Variants in GLIS3 observed in about 807,000 individuals in gnomAD.
GLIS3 encodes the protein zinc finger protein GLIS3.
In GLIS3, 53 loss-of-function variants were observed where a neutral mutation model predicts 78.6. The observed-to-expected ratio is 0.67, with a 90% CI of 0.54 to 0.85. The LOEUF (loss-of-function observed/expected upper bound fraction) is 0.85. Among genes scored for constraint, GLIS3 ranks in the 40% least tolerant of loss-of-function variants. The pLI is 0.00. For missense variants in GLIS3, 1,703 were observed against 1,231.1 expected (o/e 1.38, Z -5.74); for synonymous variants, 684 against 509.9 (o/e 1.34, Z -4.60).
At chr9:4,435,843 G>A in the GLIS3 span, among the ~76,000 whole-genome samples, 3 of 152,176 alleles carry the variant, frequency 2.0e-5, no homozygotes, top group Non-Finnish European at 4.4e-5. Flanking sequence ...CAGCTACTTG[G>A]GAGGCTGAGG....
intron 2 of GLIS3, among the ~76,000 whole-genome samples, chr9:4,326,553 G>A (rs936486724): frequency 1.4e-5 from 2 of 142,748 alleles, no homozygotes; most frequent in South Asian, 2.3e-4. Flanking sequence ...GAGGAATGGG[G>A]GTTATTTTTT....
At chr9:4,296,627 C>T (rs1816530965) in intron 1 of GLIS3, among the ~76,000 whole-genome samples, 1 of 152,136 alleles carries the variant, frequency 6.6e-6, no homozygotes, top group Admixed American at 6.5e-5. Context: ...TGTCCCCAAA[C>T]TGGCCTAAGG....
intron 2 of GLIS3, among the ~76,000 whole-genome samples, chr9:4,159,440 C>T (rs1835300724): frequency 1.3e-5 from 2 of 152,146 alleles, no homozygotes; most frequent in Non-Finnish European, 2.9e-5. Flanking sequence ...AATCTGTGGC[C>T]AGGCGCAGTG....
intron 2 of GLIS3, among the ~76,000 whole-genome samples, chr9:4,185,844 A>C (rs373512144): frequency 6.6e-6 from 1 of 152,140 alleles, no homozygotes; most frequent in Non-Finnish European, 1.5e-5. Context: ...GCCAGACCCA[A>C]CTGGAAGCTG....
chr9:3,942,365 TGACG>T (rs1296712373), intron 4 of GLIS3, among the ~76,000 whole-genome samples: 2 of 152,194 alleles, frequency 1.3e-5, no homozygotes, highest in African/African-American at 2.4e-5. Context: ...AAGAACTGAC[TGACG>T]AAGTATATGC....
rs556149560 is a variant in GLIS3 at position 3,940,775 on chromosome 9, A to C, written c.1711-3586T>G. Among the ~76,000 whole-genome samples, 3 of 152,324 alleles carry C rather than the reference A, an allele frequency of 2.0e-5. No individual in the cohort carries two copies. The South Asian group carries it at 6.2e-4, about 32-fold the overall frequency. ...AAAAGGGGCGTGGTGTGCAATGAGC[A>C]TTTATTCCATACCAAGCTCCTTGCT... On this transcript the variant is annotated intron_variant, in intron 4 of 10. Transcript: ENST00000381971.
At chr9:4,403,427 A>T in the GLIS3 span, among the ~76,000 whole-genome samples, 1 of 152,202 alleles carries the variant, frequency 6.6e-6, no homozygotes, top group East Asian at 1.9e-4. Context: ...ATGACACTGT[A>T]ATGGTGGTGT....
chr9:3,933,503 T>G (rs979174315), intron 5 of GLIS3, among the ~76,000 whole-genome samples: 3 of 152,208 alleles, frequency 2.0e-5, no homozygotes, highest in Non-Finnish European at 2.9e-5. Context: ...ATCAAAATCT[T>G]CAGCCTATTC....
chr9:4,020,185 A>G (rs1822766368), intron 4 of GLIS3, among the ~76,000 whole-genome samples: 1 of 152,204 alleles, frequency 6.6e-6, no homozygotes, highest in South Asian at 2.1e-4. Context: ...CAGCCCATGC[A>G]AGGAAGCTAA....
rs116784787 is a variant in GLIS3 at position 4,285,088 on chromosome 9, C to T, written c.388+950G>A. Among the ~76,000 whole-genome samples, 481 of 152,250 alleles carry T rather than the reference C, an allele frequency of 3.2e-3. 3 individuals are homozygous for T. Among genetic ancestry groups the T allele is most frequent in the African/African-American group, 0.011 (459 of 41,530 alleles). On this transcript the variant is annotated intron_variant, in intron 2 of 10. Transcript: ENST00000381971. ...TCACCTTAATTAACTGAATGACTGG[C>T]TATTCTGAAGGTTGCTAGTAATTCT...
chr9:4,025,464 C>A (rs765464879), intron 4 of GLIS3, among the ~76,000 whole-genome samples: 6 of 151,946 alleles, frequency 3.9e-5, no homozygotes, highest in Non-Finnish European at 7.4e-5. Flanking sequence ...CTTGGCTCAC[C>A]GCAACCTCCG....
intron 4 of GLIS3, among the ~76,000 whole-genome samples, chr9:4,104,620 T>C (rs1489274562): frequency 6.6e-6 from 1 of 152,130 alleles, no homozygotes; most frequent in Admixed American, 6.6e-5. Context: ...TCCTAAACAA[T>C]CTAGCCCCCA....
At chr9:4,335,790 T>A (rs1817747204) in intron 2 of GLIS3, among the ~76,000 whole-genome samples, 1 of 152,200 alleles carries the variant, frequency 6.6e-6, no homozygotes. Flanking sequence ...TGCCCTACTC[T>A]GAATTGCCCC....
chr9:4,478,804 T>C, the GLIS3 span, among the ~76,000 whole-genome samples: 1 of 152,214 alleles, frequency 6.6e-6, no homozygotes, highest in Non-Finnish European at 1.5e-5. Context: ...TTTAAAGGTC[T>C]TCACCATCAC....
chr9:4,266,803 C>A (rs1197415750), intron 2 of GLIS3, among the ~76,000 whole-genome samples: 1 of 152,212 alleles, frequency 6.6e-6, no homozygotes, highest in African/African-American at 2.4e-5. Context: ...CATTCAACTT[C>A]ACTACTGAAC....
chr9:4,031,688 A>C (rs150595491), intron 4 of GLIS3, among the ~76,000 whole-genome samples: 1 of 152,334 alleles, frequency 6.6e-6, no homozygotes, highest in African/African-American at 2.4e-5. Context: ...CAAAAACCAA[A>C]AAGATGGGGA....
At chr9:3,999,895 G>C (rs1427793277) in intron 4 of GLIS3, among the ~76,000 whole-genome samples, 3 of 151,864 alleles carry the variant, frequency 2.0e-5, no homozygotes, top group Non-Finnish European at 4.4e-5. Flanking sequence ...TTAAGTGTGG[G>C]GATAGAAAAA....
chr9:4,253,537 GC>G lies in GLIS3; in HGVS notation c.388+32500del, dbSNP rs1824602987. ...ATTTGAAGCCAGTGGATCTTGGCTT[GC>G]TGGGCTCTGTGCGGGTGGGATCCGC... On this transcript the variant is annotated intron_variant, in intron 2 of 10. Coordinates refer to ENST00000381971, the MANE Select transcript of GLIS3 (RefSeq NM_001042413.2). 2.6e-5 allele frequency among the ~76,000 whole-genome samples: 4 copies of G among 152,252 alleles called. 1 individual carries two copies. The highest frequency in any genetic ancestry group is 2.6e-4 in the Admixed American group (4 of 15,284).
At chr9:3,942,354 C>CA (rs1266998998) in intron 4 of GLIS3, among the ~76,000 whole-genome samples, 5 of 152,116 alleles carry the variant, frequency 3.3e-5, no homozygotes, top group African/African-American at 1.2e-4. Context: ...AGACATGCAG[C>CA]AAGAACTGAC....
Sources: allele counts gnomAD v4.1 joint callset (sites outside exome capture counted in the v4.1 genomes callset), GRCh38; gene constraint gnomAD v4.1.1; transcripts MANE v1.5; gene names NCBI Gene and HGNC (gene_info 2026-07-23, HGNC 2026-07-21).